NFIA: variants seen among roughly 807,000 people sequenced by gnomAD.
The protein encoded by NFIA is nuclear factor 1 A-type.
NFIA carries 8 observed loss-of-function variants against 62.8 expected under a neutral mutation model. That is an observed-to-expected ratio of 0.13 (90% CI 0.07 to 0.23). The LOEUF is 0.23. Ranked by LOEUF, NFIA falls within the 10% of genes least tolerant of loss-of-function variation. The pLI is 1.00. For missense variants in NFIA, 410 were observed against 642.1 expected (o/e 0.64, Z 3.91); for synonymous variants, 235 against 238.1 (o/e 0.99, Z 0.12).
upstream of NFIA, among the ~76,000 whole-genome samples, chr1:61,079,124 G>C (rs1250064938): frequency 6.6e-6 from 1 of 152,204 alleles, no homozygotes; most frequent in Non-Finnish European, 1.5e-5. Context: ...ACTCACTTCA[G>C]CAACATGATT....
chr1:61,119,393 T>A (rs545210667), intron 2 of NFIA, among the ~76,000 whole-genome samples: 1 of 152,320 alleles, frequency 6.6e-6, no homozygotes, highest in South Asian at 2.1e-4. Flanking sequence ...TAGAAATAGC[T>A]CTAGAAAGTA....
At chr1:61,351,053 T>C (rs1039935919) in intron 4 of NFIA, among the ~76,000 whole-genome samples, 1 of 152,230 alleles carries the variant, frequency 6.6e-6, no homozygotes, top group South Asian at 2.1e-4. Flanking sequence ...CATACACTTA[T>C]TCTGTTTTTC....
At chr1:61,145,313 T>G (rs1484771803) in intron 2 of NFIA, among the ~76,000 whole-genome samples, 2 of 152,222 alleles carry the variant, frequency 1.3e-5, no homozygotes, top group Non-Finnish European at 2.9e-5. Flanking sequence ...TATTGCATAT[T>G]GGACTTCATG....
chr1:61,176,900 C>G (rs149914613), intron 2 of NFIA, among the ~76,000 whole-genome samples: 11 of 151,944 alleles, frequency 7.2e-5, no homozygotes, highest in South Asian at 2.1e-4. Context: ...GTCAGGAGAT[C>G]GAGACCATCC....
chr1:61,120,232 T>G (rs1646866273), intron 2 of NFIA, among the ~76,000 whole-genome samples: 1 of 152,234 alleles, frequency 6.6e-6, no homozygotes, highest in Non-Finnish European at 1.5e-5. Context: ...TTACATAGTG[T>G]CTGTATCAAC....
At chr1:61,404,935 G>A (rs925485542) in intron 8 of NFIA, among the ~76,000 whole-genome samples, 1 of 152,046 alleles carries the variant, frequency 6.6e-6, no homozygotes, top group Non-Finnish European at 1.5e-5. Context: ...ATGTAAAAGT[G>A]ATTTTTAAAA....
chr1:61,186,560 T>G (rs747837198), intron 2 of NFIA, among the ~76,000 whole-genome samples: 3 of 152,182 alleles, frequency 2.0e-5, no homozygotes, highest in Non-Finnish European at 2.9e-5. Context: ...TGCCAAGACC[T>G]CTCACATTAT....
intron 2 of NFIA, among the ~76,000 whole-genome samples, chr1:61,212,042 G>A (rs932033609): frequency 9.2e-5 from 14 of 152,194 alleles, no homozygotes; most frequent in African/African-American, 3.1e-4. Context: ...CGCTTAGGGT[G>A]TGGATTTAAA....
At chr1:61,181,371 A>T (rs1220505513) in intron 2 of NFIA, among the ~76,000 whole-genome samples, 1 of 152,244 alleles carries the variant, frequency 6.6e-6, no homozygotes, top group African/African-American at 2.4e-5. Flanking sequence ...GCAATGAGGG[A>T]ATTGCAAATA....
At chr1:61,091,196 C>A (rs1646314131) in intron 2 of NFIA, among the ~76,000 whole-genome samples, 1 of 151,890 alleles carries the variant, frequency 6.6e-6, no homozygotes, top group Non-Finnish European at 1.5e-5. Context: ...CCTTTTTTTC[C>A]CCCTAGATGG....
In NFIA at chr1:61,359,422, T is replaced by A. The variant is rs1283833080; in HGVS notation, c.946+148T>A. ...GCACTTGTTTGTATTGTAATCTGAT[T>A]GCCACATTCATAAAAGGATGGCTGT... is the stretch of plus-strand genomic sequence containing the variant. On this transcript the variant is annotated intron_variant, in intron 6 of 10. Coordinates refer to ENST00000403491, the MANE Select transcript of NFIA (RefSeq NM_001134673.4). The A allele has an allele frequency of 2.6e-6, 3 of 1,165,082 alleles. No individual in the cohort carries two copies. The Admixed American group carries it at 7.7e-5, about 30-fold the overall frequency. 72.2% of individuals were successfully genotyped at this position (1,165,082 alleles called of 1,614,324 possible).
chr1:61,358,776 T>G (rs1281819882), intron 5 of NFIA, among the ~76,000 whole-genome samples: 1 of 152,184 alleles, frequency 6.6e-6, no homozygotes, highest in Admixed American at 6.5e-5. Context: ...CCAGGTTCAT[T>G]GCTGATGGCC....
At chr1:61,238,166 G>A (rs142790807) in intron 2 of NFIA, among the ~76,000 whole-genome samples, 1 of 152,198 alleles carries the variant, frequency 6.6e-6, no homozygotes, top group East Asian at 1.9e-4. Context: ...TTAGCTTCTC[G>A]AATAACCCAT....
At chr1:61,218,973 T>A (rs1370949082) in intron 2 of NFIA, among the ~76,000 whole-genome samples, 1 of 152,246 alleles carries the variant, frequency 6.6e-6, no homozygotes, top group Non-Finnish European at 1.5e-5. Context: ...GGCTCACGCC[T>A]ATAATCCCAA....
intron 2 of NFIA, among the ~76,000 whole-genome samples, chr1:61,221,205 T>G (rs1653995094): frequency 6.6e-6 from 1 of 151,942 alleles, no homozygotes; most frequent in Non-Finnish European, 1.5e-5. Context: ...GAAGAGTGTA[T>G]GTATAAAAAT....
chr1:61,142,400 C>G (rs1187678592), intron 2 of NFIA, among the ~76,000 whole-genome samples: 1 of 152,106 alleles, frequency 6.6e-6, no homozygotes, highest in Non-Finnish European at 1.5e-5. Flanking sequence ...GTTATTTTTG[C>G]TTAATTTTAG....
intron 3 of NFIA, among the ~76,000 whole-genome samples, chr1:61,299,267 A>G (rs1056989308): frequency 6.6e-6 from 1 of 152,066 alleles, no homozygotes; most frequent in African/African-American, 2.4e-5. Flanking sequence ...TGATCTTTTT[A>G]TTGATTAGAA....
At chr1:61,141,635 G>C (rs1647542399) in intron 2 of NFIA, among the ~76,000 whole-genome samples, 1 of 152,184 alleles carries the variant, frequency 6.6e-6, no homozygotes, top group South Asian at 2.1e-4. Context: ...CCTTTCTGAA[G>C]GCCAAGGTTA....
intron 3 of NFIA, 75 bp downstream of exon 3, chr1:61,277,660 T>C (rs1657888820): frequency 2.7e-6 from 4 of 1,477,942 alleles, no homozygotes; most frequent in Middle Eastern, 1.8e-4. Context: ...GTGTGAGGAT[T>C]TGGGGGCCTA....
Sources: allele counts gnomAD v4.1 joint callset (sites outside exome capture counted in the v4.1 genomes callset), GRCh38; gene constraint gnomAD v4.1.1; transcripts MANE v1.5; gene names NCBI Gene and HGNC (gene_info 2026-07-23, HGNC 2026-07-21).